KAZN: variants seen among roughly 807,000 people sequenced by gnomAD.
KAZN encodes the protein kazrin.
KAZN carries 40 observed loss-of-function variants against 87.4 expected under a neutral mutation model. That is an observed-to-expected ratio of 0.46 (90% CI 0.36 to 0.60). The LOEUF (loss-of-function observed/expected upper bound fraction) is 0.60. Ranked by LOEUF, KAZN falls within the 20% of genes least tolerant of loss-of-function variation. The pLI, the probability that KAZN is intolerant of heterozygous loss-of-function variation, is 0.00. For missense variants in KAZN, 898 were observed against 1,073.9 expected (o/e 0.84, Z 2.29); for synonymous variants, 466 against 458.3 (o/e 1.02, Z -0.22).
At chr1:14,317,255 C>G (rs1482632288) in intron 2 of KAZN, among the ~76,000 whole-genome samples, 1 of 151,780 alleles carries the variant, frequency 6.6e-6, no homozygotes, top group African/African-American at 2.4e-5. Context: ...TGAATTGACC[C>G]CTATATCATT....
chr1:15,085,671 C>T (rs371546103), intron 8 of KAZN, among the ~76,000 whole-genome samples: 1 of 152,146 alleles, frequency 6.6e-6, no homozygotes, highest in African/African-American at 2.4e-5. Flanking sequence ...TGGTTAATGG[C>T]TATCCTATTG....
At chr1:14,386,691 T>C (rs1237005235) in intron 2 of KAZN, among the ~76,000 whole-genome samples, 1 of 152,178 alleles carries the variant, frequency 6.6e-6, no homozygotes, top group East Asian at 1.9e-4. Flanking sequence ...CCGCTGTTAG[T>C]CTGATGGGCT....
intron 1 of KAZN, among the ~76,000 whole-genome samples, chr1:14,615,697 C>T (rs762338351): frequency 2.4e-4 from 36 of 152,060 alleles, no homozygotes; most frequent in Non-Finnish European, 4.7e-4. Context: ...TGGTTCCAAT[C>T]GTATGGCCAA....
chr1:14,961,809 G>A (rs1663900674), intron 2 of KAZN, among the ~76,000 whole-genome samples: 1 of 152,170 alleles, frequency 6.6e-6, no homozygotes, highest in African/African-American at 2.4e-5. Context: ...TATTAATTAG[G>A]TTAATACCAT....
At chr1:14,270,972 A>G (rs751158045) in intron 2 of KAZN, among the ~76,000 whole-genome samples, 5 of 152,204 alleles carry the variant, frequency 3.3e-5, no homozygotes, top group Non-Finnish European at 5.9e-5. Flanking sequence ...GGTTTGCTAC[A>G]GTGTCCGTTT....
chr1:14,863,021 G>C (rs1333689679), intron 1 of KAZN, among the ~76,000 whole-genome samples: 3 of 152,168 alleles, frequency 2.0e-5, no homozygotes, highest in Non-Finnish European at 1.5e-5. Flanking sequence ...CCATTCTGTT[G>C]CTCCCGTGGT....
chr1:14,873,711 T>C (rs1041327050), intron 1 of KAZN, among the ~76,000 whole-genome samples: 2 of 152,034 alleles, frequency 1.3e-5, no homozygotes, highest in African/African-American at 4.8e-5. Context: ...GTGTTGAAAA[T>C]AGACTCTAGG....
rs1253604817 is a variant in KAZN at position 15,103,427 on chromosome 1, G to T, written c.1848G>T (p.Arg616=). 1.0e-5 allele frequency: 16 copies of T among 1,551,484 alleles called. No homozygotes were observed. Among genetic ancestry groups the T allele is most frequent in the African/African-American group, 1.4e-5 (1 of 72,118 alleles). ...NIDPVVWTNQ[R]VLKWVRDIDL... ...ACCCCGTGGTGTGGACCAACCAGCG[G>T]GTGCTCAAGTGGGTTCGAGACATCG... is the stretch of plus-strand genomic sequence containing the variant. Residue 616 remains arginine (R), a synonymous_variant, in exon 12 of 15, where the codon CGG becomes CGT. Transcript: ENST00000376030.
At chr1:14,092,585 A>G (rs1644027214) in intron 1 of KAZN, among the ~76,000 whole-genome samples, 1 of 149,306 alleles carries the variant, frequency 6.7e-6, no homozygotes, top group South Asian at 2.1e-4. Context: ...GTATGTACAT[A>G]TATGTACATA....
intron 2 of KAZN, among the ~76,000 whole-genome samples, chr1:14,485,637 G>T (rs928149998): frequency 6.6e-6 from 1 of 152,162 alleles, no homozygotes; most frequent in East Asian, 1.9e-4. Context: ...GCTCACACCT[G>T]TAATCCCAGC....
chr1:14,381,822 T>A (rs1571460060), intron 2 of KAZN, among the ~76,000 whole-genome samples: 2 of 152,024 alleles, frequency 1.3e-5, no homozygotes, highest in Non-Finnish European at 2.9e-5. Context: ...GAAGTTATAG[T>A]TAGAGCAACC....
chr1:14,392,813 A>G (rs951933303), intron 2 of KAZN, among the ~76,000 whole-genome samples: 1 of 152,114 alleles, frequency 6.6e-6, no homozygotes, highest in Non-Finnish European at 1.5e-5. Flanking sequence ...TGGAATCAAG[A>G]GTCCTGTTTT....
At chr1:14,726,788 G>A (rs1487180500) in intron 1 of KAZN, among the ~76,000 whole-genome samples, 5 of 152,154 alleles carry the variant, frequency 3.3e-5, no homozygotes, top group South Asian at 2.1e-4. Context: ...CTCAGGCCCC[G>A]CCCCAGACCT....
chr1:14,180,557 A>C (rs1353219438), exon 2 of KAZN: 1 of 1,550,310 alleles, frequency 6.5e-7, no homozygotes, highest in Non-Finnish European at 8.7e-7. Context: ...GAAGAGTTCC[A>C]TGATATTGAT....
intron 1 of KAZN, among the ~76,000 whole-genome samples, chr1:13,923,089 G>A (rs144095908): frequency 2.6e-5 from 4 of 152,032 alleles, no homozygotes; most frequent in Admixed American, 1.3e-4. Flanking sequence ...TCTTCCTCCT[G>A]GACAAAAATC....
chr1:14,432,235 C>T lies in KAZN; in HGVS notation c.250-166748C>T, dbSNP rs74059503. On this transcript the variant is annotated intron_variant, in intron 2 of 16. Coordinates refer to the KAZN transcript ENST00000636203. ...AAATGTGGTAGTACTGCCAGAAGTA[C>T]GTGAAATTGACTATGTAGATCATGG... is the stretch of plus-strand genomic sequence containing the variant. Among the ~76,000 whole-genome samples the T allele has an allele frequency of 4.9e-4, 74 of 152,260 alleles. 1 individual carries two copies. The highest frequency in any genetic ancestry group is 1.7e-3 in the African/African-American group (71 of 41,552).
intron 2 of KAZN, among the ~76,000 whole-genome samples, chr1:14,419,056 T>C (rs185378576): frequency 1.2e-4 from 18 of 152,306 alleles, no homozygotes; most frequent in East Asian, 1.9e-4. Flanking sequence ...ATGCTATATA[T>C]TTTTATTCCT....
chr1:14,681,573 C>G (rs1158098072), intron 1 of KAZN, among the ~76,000 whole-genome samples: 1 of 117,170 alleles, frequency 8.5e-6, no homozygotes, highest in Non-Finnish European at 1.7e-5. Flanking sequence ...ATAGACATAA[C>G]ATAAAATTTG....
At chr1:14,503,534 C>G (rs976042894) in intron 2 of KAZN, among the ~76,000 whole-genome samples, 5 of 147,550 alleles carry the variant, frequency 3.4e-5, no homozygotes, top group African/African-American at 1.3e-4. Flanking sequence ...ACAGCATATC[C>G]TGGCTATACT....
Sources: allele counts gnomAD v4.1 joint callset (sites outside exome capture counted in the v4.1 genomes callset), GRCh38; gene constraint gnomAD v4.1.1; transcripts MANE v1.5; gene names NCBI Gene and HGNC (gene_info 2026-07-23, HGNC 2026-07-21).